The following TCERG1L variants were observed in gnomAD, a reference collection of about 807,000 sequenced individuals.
TCERG1L encodes transcription elongation regulator 1 like.
Under a neutral mutation model 56.3 loss-of-function variants are expected in TCERG1L, and 37 were observed. The observed-to-expected ratio is 0.66, with a 90% CI of 0.51 to 0.87. The LOEUF is 0.87. TCERG1L is among the 40% of genes least tolerant of loss of function. TCERG1L has a pLI of 0.00. For missense variants in TCERG1L, 799 were observed against 774.2 expected, an observed-to-expected ratio of 1.03 and a Z score of -0.38; for synonymous variants, 324 against 326.3, an observed-to-expected ratio of 0.99 and a Z score of 0.08.
chr10:131,177,109 GAC>G (rs775578401), intron 4 of TCERG1L, among the ~76,000 whole-genome samples: 3,499 of 151,594 alleles, frequency 0.023, 2 homozygotes, highest in Non-Finnish European at 0.032. Flanking sequence ...TGCACACACA[GAC>G]ACGTGTACAC....
chr10:131,154,930 T>C (rs1016002066), intron 6 of TCERG1L, among the ~76,000 whole-genome samples: 1 of 152,230 alleles, frequency 6.6e-6, no homozygotes, highest in Non-Finnish European at 1.5e-5. Flanking sequence ...CTTGCTGTCC[T>C]TTCTCATAAA....
rs532736726 is a variant in TCERG1L, at chr10:131,260,226, G to A, written c.856+33C>T. 7.4e-6 allele frequency: 10 copies of A among 1,343,980 alleles called. No homozygotes were observed. The East Asian group carries it at 2.3e-4, about 31-fold the overall frequency. The allele number at this position is 1,343,980 out of a possible 1,614,324, so 83.3% of individuals were successfully genotyped here. A position where few individuals can be genotyped will look rare whatever the true frequency, so the allele number is the denominator to read the frequency against. Reference sequence around the variant, plus strand: ...AAGCCTCCGCGCGCTCGCTAAGGCAGCACCAGGCGTCGGGACGGCGCTCCG... The same window carrying A: ...AAGCCTCCGCGCGCTCGCTAAGGCAACACCAGGCGTCGGGACGGCGCTCCG... On this transcript the variant is annotated intron_variant, in intron 4 of 11. Coordinates refer to ENST00000368642, the MANE Select transcript of TCERG1L (RefSeq NM_174937.4). The surrounding 1 kb of genome is among the most constrained non-coding windows in gnomAD (Gnocchi z 5.8).
At chr10:131,120,954 G>A (rs1368105495) in intron 8 of TCERG1L, among the ~76,000 whole-genome samples, 1 of 152,210 alleles carries the variant, frequency 6.6e-6, no homozygotes, top group African/African-American at 2.4e-5. Context: ...ACAGTCCAGT[G>A]GGACATGTAT....
intron 7 of TCERG1L, among the ~76,000 whole-genome samples, chr10:131,144,081 C>T (rs1214062648): frequency 5.3e-5 from 8 of 152,166 alleles, no homozygotes; most frequent in African/African-American, 1.2e-4. Flanking sequence ...CAGGCACACA[C>T]GCTCACACAT....
chr10:131,146,098 GT>G (rs1463960512), intron 7 of TCERG1L, among the ~76,000 whole-genome samples: 1 of 152,170 alleles, frequency 6.6e-6, no homozygotes, highest in Non-Finnish European at 1.5e-5. Context: ...GCAGATCAAT[GT>G]GCTGCAAAGG....
chr10:131,148,455 AAC>A (rs946922332), intron 6 of TCERG1L, among the ~76,000 whole-genome samples: 10 of 147,438 alleles, frequency 6.8e-5, no homozygotes, highest in South Asian at 4.6e-4. Flanking sequence ...TACACACATA[AAC>A]ACACACAGAC....
intron 9 of TCERG1L, among the ~76,000 whole-genome samples, chr10:131,109,684 G>A (rs917971630): frequency 1.3e-5 from 2 of 152,182 alleles, no homozygotes; most frequent in South Asian, 2.1e-4. Flanking sequence ...GTGGGAACTG[G>A]AGGTCACCTG....
At chr10:131,132,434 G>T (rs1166776819) in intron 8 of TCERG1L, among the ~76,000 whole-genome samples, 2 of 152,230 alleles carry the variant, frequency 1.3e-5, no homozygotes, top group African/African-American at 4.8e-5. Flanking sequence ...TTTCAATGTT[G>T]TTGAAATGCC....
intron 4 of TCERG1L, among the ~76,000 whole-genome samples, chr10:131,226,942 C>T (rs960546138): frequency 1.3e-5 from 2 of 152,254 alleles, no homozygotes; most frequent in South Asian, 2.1e-4. Context: ...CTCCTGGAGT[C>T]GCTGTCAGCT....
At chr10:131,217,295 C>T (rs753953330) in intron 4 of TCERG1L, among the ~76,000 whole-genome samples, 4 of 152,096 alleles carry the variant, frequency 2.6e-5, no homozygotes, top group African/African-American at 9.7e-5. Context: ...TCATGTAGGA[C>T]GCCTGCTCCA....
chr10:131,180,054 G>A (rs145400876), intron 4 of TCERG1L, among the ~76,000 whole-genome samples: 1 of 152,314 alleles, frequency 6.6e-6, no homozygotes, highest in African/African-American at 2.4e-5. Flanking sequence ...AGACAGACAT[G>A]GTCTTCCTGG....
chr10:131,146,565 C>T lies in TCERG1L; in HGVS notation c.1130G>A (p.Gly377Glu). ...GTCCTCAATGATCCTGTTGAGGTCT[C>T]CGCGGTCCTTCAGGTCCATGGGCTT... ...WEKPMDLKDR[G>E]DLNRIIEDPP... Residue 377 changes from glycine (G) to glutamate (E), a missense_variant, in exon 7 of 12, where the codon GGA (glycine) becomes GAA (glutamate). Coordinates refer to ENST00000368642, the MANE Select transcript of TCERG1L (RefSeq NM_174937.4). 6.2e-7 allele frequency: 1 copy of T among 1,613,924 alleles called. No homozygotes were observed. Among genetic ancestry groups the T allele is most frequent in the Non-Finnish European group, 8.5e-7 (1 of 1,179,854 alleles).
At chr10:131,206,858 C>T (rs1845535699) in intron 4 of TCERG1L, among the ~76,000 whole-genome samples, 1 of 152,128 alleles carries the variant, frequency 6.6e-6, no homozygotes, top group South Asian at 2.1e-4. Context: ...GCCAGATGCT[C>T]CTCTGGCCAA....
Position 131,260,467 on chromosome 10 carries a change from G to A in TCERG1L, c.671-23C>T, listed in dbSNP as rs1211591696. On this transcript the variant is annotated intron_variant, in intron 3 of 11. Transcript: ENST00000368642. This position sits in a 1 kb window ranked among gnomAD's most constrained non-coding sequence, Gnocchi z 5.8. ...CACCTGCGGAAGAGGGATGCAGAGG[G>A]TCAGCAAGGGGACGACCAGGGCCAT... The A allele has an allele frequency of 2.2e-6, 3 of 1,377,370 alleles. No homozygotes were observed. The highest frequency in any genetic ancestry group is 2.8e-6 in the Non-Finnish European group (3 of 1,061,862). 85.3% of individuals were successfully genotyped at this position (1,377,370 alleles called of 1,614,324 possible).
intron 4 of TCERG1L, among the ~76,000 whole-genome samples, chr10:131,235,726 CT>C (rs1845905880): frequency 6.6e-6 from 1 of 152,182 alleles, no homozygotes; most frequent in Admixed American, 6.5e-5. Flanking sequence ...CCAAATAGAT[CT>C]GTACATGTCT....
intron 4 of TCERG1L, among the ~76,000 whole-genome samples, chr10:131,177,793 A>G (rs898486519): frequency 2.6e-5 from 4 of 151,754 alleles, no homozygotes; most frequent in African/African-American, 9.7e-5. Flanking sequence ...GGCTCCTGGC[A>G]CGTGACTCTG....
intron 3 of TCERG1L, among the ~76,000 whole-genome samples, chr10:131,306,405 A>G (rs1261273915): frequency 6.8e-6 from 1 of 146,232 alleles, no homozygotes; most frequent in Non-Finnish European, 1.5e-5. Context: ...TTATATTCAT[A>G]TATGATCCGT....
chr10:131,263,191 C>G (rs1214095966), intron 3 of TCERG1L, among the ~76,000 whole-genome samples: 1 of 152,104 alleles, frequency 6.6e-6, no homozygotes, highest in African/African-American at 2.4e-5. Context: ...TCCACATCCT[C>G]AATCTGCATT....
intron 6 of TCERG1L, chr10:131,161,134 C>T (rs1410086382): frequency 6.6e-6 from 1 of 152,234 alleles, no homozygotes; most frequent in East Asian, 1.9e-4. Flanking sequence ...CCACACATAC[C>T]ATGGTGGTCC....
Sources: allele counts gnomAD v4.1 joint callset (sites outside exome capture counted in the v4.1 genomes callset), GRCh38; gene constraint gnomAD v4.1.1; non-coding constraint Gnocchi (gnomAD v3.1); transcripts MANE v1.5; gene names NCBI Gene and HGNC (gene_info 2026-07-23, HGNC 2026-07-21).